THSD7A: variants seen among roughly 807,000 people sequenced by gnomAD.
THSD7A encodes thrombospondin type 1 domain containing 7A.
In THSD7A, 96 loss-of-function variants were observed where a neutral mutation model predicts 231.3. The observed-to-expected ratio is 0.41, with a 90% confidence interval of 0.35 to 0.49. The LOEUF is 0.49. THSD7A is among the 20% of genes least tolerant of loss of function. The pLI, the probability that THSD7A is intolerant of heterozygous loss-of-function variation, is 0.05. For synonymous variants in THSD7A, 940 were observed against 743.3 expected, an observed-to-expected ratio of 1.26 and a Z score of -4.30; for missense variants, 2,290 against 2,070.2, an observed-to-expected ratio of 1.11 and a Z score of -2.06.
chr7:11,788,630 C>A (rs1216244707), intron 1 of THSD7A, among the ~76,000 whole-genome samples: 1 of 152,034 alleles, frequency 6.6e-6, no homozygotes, highest in Non-Finnish European at 1.5e-5. Context: ...TCAACAAAGT[C>A]ATTCAATGTA....
chr7:11,544,665 GCA>G (rs1195246426), intron 4 of THSD7A, among the ~76,000 whole-genome samples: 1 of 152,130 alleles, frequency 6.6e-6, no homozygotes, highest in African/African-American at 2.4e-5. Context: ...ACACACACGA[GCA>G]CACAGTCATA....
At chr7:11,650,440 T>C (rs916843372) in intron 1 of THSD7A, among the ~76,000 whole-genome samples, 10 of 152,078 alleles carry the variant, frequency 6.6e-5, no homozygotes, top group Non-Finnish European at 1.5e-4. Flanking sequence ...TTAGTAACTA[T>C]AAACAGGAAG....
At chr7:11,414,480 C>T (rs144700612) in intron 17 of THSD7A, among the ~76,000 whole-genome samples, 16 of 152,230 alleles carry the variant, frequency 1.1e-4, no homozygotes, top group African/African-American at 3.9e-4. Flanking sequence ...GTTCCCTTTC[C>T]ATTCCCTAGA....
chr7:11,574,322 T>G (rs1703862676), intron 4 of THSD7A, among the ~76,000 whole-genome samples: 1 of 152,236 alleles, frequency 6.6e-6, no homozygotes, highest in African/African-American at 2.4e-5. Context: ...TGCTGTTCAT[T>G]TCTCTATTTT....
chr7:11,487,492 CA>C (rs1260986581), intron 6 of THSD7A, among the ~76,000 whole-genome samples: 5 of 152,104 alleles, frequency 3.3e-5, no homozygotes, highest in Admixed American at 1.3e-4. Flanking sequence ...ATACATTAAA[CA>C]TACAATCAAT....
intron 1 of THSD7A, among the ~76,000 whole-genome samples, chr7:11,744,289 C>T (rs147499258): frequency 2.7e-3 from 403 of 151,784 alleles, no homozygotes; most frequent in Non-Finnish European, 4.0e-3. Context: ...TGTACCAAAT[C>T]GGGTGGTGGC....
At chr7:11,428,377 GCATCAAAAGT>G (rs1784384283) in intron 14 of THSD7A, among the ~76,000 whole-genome samples, 1 of 152,080 alleles carries the variant, frequency 6.6e-6, no homozygotes, top group Admixed American at 6.6e-5. Flanking sequence ...AAGAAAGAAT[GCATCAAAAGT>G]CAGAGTTCCA....
At chr7:11,465,402 G>GA (rs956077076) in intron 9 of THSD7A, among the ~76,000 whole-genome samples, 3 of 152,042 alleles carry the variant, frequency 2.0e-5, no homozygotes, top group African/African-American at 4.8e-5. Context: ...GATAGGAATG[G>GA]AAAAAACAGA....
At chr7:11,739,116 A>T (rs1782017862) in intron 1 of THSD7A, among the ~76,000 whole-genome samples, 2 of 152,088 alleles carry the variant, frequency 1.3e-5, no homozygotes, top group South Asian at 4.1e-4. Flanking sequence ...GAAGAAAACA[A>T]ACCTTGAAAG....
At chr7:11,781,035 A>AAAAAAT (rs1185567161) in intron 1 of THSD7A, among the ~76,000 whole-genome samples, 2 of 133,702 alleles carry the variant, frequency 1.5e-5, no homozygotes, top group Non-Finnish European at 3.2e-5. Flanking sequence ...AAAAAAAAAA[A>AAAAAAT]AAATTTATAG....
chr7:11,454,963 G>A (rs559748876), intron 11 of THSD7A, among the ~76,000 whole-genome samples: 2 of 151,994 alleles, frequency 1.3e-5, no homozygotes, highest in African/African-American at 4.8e-5. Context: ...ATACTGAGTT[G>A]TATCTCCCTC....
chr7:11,450,573 C>T (rs985847658), intron 11 of THSD7A, among the ~76,000 whole-genome samples: 7 of 151,796 alleles, frequency 4.6e-5, no homozygotes, highest in African/African-American at 9.7e-5. Context: ...GATACTAGGG[C>T]GAGGAAAATA....
At chr7:11,639,088 G>A (rs548673104) in intron 1 of THSD7A, among the ~76,000 whole-genome samples, 60 of 152,168 alleles carry the variant, frequency 3.9e-4, no homozygotes, top group African/African-American at 1.4e-3. Flanking sequence ...ATTTATATCA[G>A]ACTCTCAAAT....
intron 15 of THSD7A, among the ~76,000 whole-genome samples, chr7:11,426,199 G>A (rs1265012351): frequency 1.3e-5 from 2 of 152,096 alleles, no homozygotes; most frequent in African/African-American, 4.8e-5. Context: ...CCTACAACTT[G>A]CAGTGAAAAG....
chr7:11,491,858 G>T (rs1228219745), intron 6 of THSD7A, among the ~76,000 whole-genome samples: 3 of 152,020 alleles, frequency 2.0e-5, no homozygotes, highest in African/African-American at 7.2e-5. Context: ...TTAGTCCCTC[G>T]TGGAGCCTTG....
At chr7:11,588,646 A>G (rs1780018444) in intron 4 of THSD7A, among the ~76,000 whole-genome samples, 3 of 152,186 alleles carry the variant, frequency 2.0e-5, no homozygotes, top group South Asian at 4.1e-4. Flanking sequence ...GCTTTAAAAA[A>G]AATACCCAGT....
chr7:11,762,508 T>C (rs573137489), intron 1 of THSD7A, among the ~76,000 whole-genome samples: 2 of 152,290 alleles, frequency 1.3e-5, no homozygotes, highest in East Asian at 3.9e-4. Context: ...TTTTATATGT[T>C]TGCTGGCCGC....
intron 16 of THSD7A, among the ~76,000 whole-genome samples, chr7:11,418,616 T>C (rs1163977560): frequency 6.6e-6 from 1 of 152,186 alleles, no homozygotes; most frequent in African/African-American, 2.4e-5. Flanking sequence ...CAGTGATACC[T>C]GGAATCCCAA....
rs918317460 is a variant in THSD7A at position 11,492,827 on chromosome 7, A to G, written c.1823-10845T>C. ...CTATCCTCTATGAACCCCATGTAAA[A>G]ACACAAAAACTTTGAACCGTAAAGA... On this transcript the variant is annotated intron_variant, in intron 6 of 27. Transcript: ENST00000423059. Among the ~76,000 whole-genome samples, 4 of 150,866 alleles carry G rather than the reference A, an allele frequency of 2.7e-5. No homozygotes were observed. In the Admixed American group the frequency reaches 2.7e-4, roughly 10 times the overall value.
Sources: allele counts gnomAD v4.1 joint callset (sites outside exome capture counted in the v4.1 genomes callset), GRCh38; gene constraint gnomAD v4.1.1; transcripts MANE v1.5; gene names NCBI Gene and HGNC (gene_info 2026-07-23, HGNC 2026-07-21).